The following ZMAT4 variants were observed in gnomAD, a reference collection of about 807,000 sequenced individuals.
The protein encoded by ZMAT4 is zinc finger matrin-type 4, also known as zinc finger matrin-type protein 4.
Under a neutral mutation model 28.7 loss-of-function variants are expected in ZMAT4, and 17 were observed. The ratio of observed to expected loss-of-function variants is 0.59; its 90% CI spans 0.41 to 0.89. The LOEUF is 0.89. Among genes scored for constraint, ZMAT4 ranks in the 40% least tolerant of loss-of-function variants. The pLI is 0.00. For missense variants in ZMAT4, 240 were observed against 283.8 expected, an observed-to-expected ratio of 0.85 and a Z score of 1.11; for synonymous variants, 117 against 109.2, an observed-to-expected ratio of 1.07 and a Z score of -0.44.
chr8:40,805,024 G>C (rs1815019082), intron 2 of ZMAT4, among the ~76,000 whole-genome samples: 1 of 149,708 alleles, frequency 6.7e-6, no homozygotes, highest in South Asian at 2.1e-4. Context: ...CTACAAAATG[G>C]GAGAAAATTT....
chr8:40,625,847 C>A (rs931390770), intron 5 of ZMAT4, among the ~76,000 whole-genome samples: 1 of 151,596 alleles, frequency 6.6e-6, no homozygotes, highest in African/African-American at 2.4e-5. Context: ...GCGGTGGAAT[C>A]ATGCCTGTAA....
chr8:40,587,008 G>A (rs1804691030), intron 5 of ZMAT4, among the ~76,000 whole-genome samples: 1 of 151,670 alleles, frequency 6.6e-6, no homozygotes, highest in South Asian at 2.1e-4. Flanking sequence ...ATTAGCCTGA[G>A]ACGTGAAGAG....
intron 1 of ZMAT4, among the ~76,000 whole-genome samples, chr8:40,867,262 A>C: frequency 1.3e-5 from 2 of 152,258 alleles, no homozygotes; most frequent in South Asian, 4.2e-4. Flanking sequence ...TAAAAGAAAT[A>C]TATATATATC....
intron 1 of ZMAT4, among the ~76,000 whole-genome samples, chr8:40,869,362 T>C (rs527421117): frequency 1.3e-5 from 2 of 152,266 alleles, no homozygotes; most frequent in East Asian, 1.9e-4. Context: ...CTAAGGGGAT[T>C]TTTGTTTTGT....
At chr8:40,742,537 T>C (rs908978008) in intron 3 of ZMAT4, among the ~76,000 whole-genome samples, 7 of 152,040 alleles carry the variant, frequency 4.6e-5, no homozygotes, top group African/African-American at 1.7e-4. Context: ...AAAACAATAA[T>C]TGGGGGCCAG....
chr8:40,872,797 G>T (rs1484786766), intron 1 of ZMAT4, among the ~76,000 whole-genome samples: 1 of 152,126 alleles, frequency 6.6e-6, no homozygotes, highest in South Asian at 2.1e-4. Context: ...GGGTGGAGGG[G>T]CCCAAAGGAG....
chr8:40,746,462 C>T (rs1022276519), intron 3 of ZMAT4, among the ~76,000 whole-genome samples: 9 of 151,242 alleles, frequency 6.0e-5, no homozygotes, highest in Non-Finnish European at 1.3e-4. Flanking sequence ...CTCCTGGGTT[C>T]AAGCAATTCT....
rs11373573 is a variant in ZMAT4, at chr8:40,618,659, G to GAA, written c.578-37400_578-37399dup. On this transcript the variant is annotated intron_variant, in intron 5 of 6. Coordinates refer to ENST00000297737, the MANE Select transcript of ZMAT4 (RefSeq NM_024645.3). ...GTATACTACAGTTTTTCTACCACTAGAAAAAAAAAAAAAAGAAATGACTGG... is the reference window on the plus strand; with the variant it reads ...GTATACTACAGTTTTTCTACCACTAGAAAAAAAAAAAAAAAAGAAATGACTGG... Among the ~76,000 whole-genome samples, 491 of 139,314 alleles carry GAA rather than the reference G, an allele frequency of 3.5e-3. 2 individuals carry two copies. Among genetic ancestry groups the GAA allele is most frequent in the Non-Finnish European group, 5.8e-3 (379 of 65,002 alleles). 91.4% of individuals were successfully genotyped at this position (139,314 alleles called of 152,430 possible). A position where few individuals can be genotyped will look rare whatever the true frequency, so the allele number is the denominator to read the frequency against.
intron 5 of ZMAT4, among the ~76,000 whole-genome samples, chr8:40,605,709 G>C (rs1432815520): frequency 6.6e-6 from 1 of 152,140 alleles, no homozygotes; most frequent in African/African-American, 2.4e-5. Flanking sequence ...TAAATCCACT[G>C]TTTCTTTGTT....
rs1803283912 is a variant in ZMAT4 at position 40,548,933 on chromosome 8, CA to C, written c.675-16696del. Among the ~76,000 whole-genome samples the C allele has an allele frequency of 3.3e-5, 5 of 152,208 alleles. No homozygotes were observed. In the South Asian group the frequency reaches 1.0e-3, roughly 32 times the overall value. On this transcript the variant is annotated intron_variant, in intron 6 of 6. Coordinates refer to ENST00000297737, the MANE Select transcript of ZMAT4 (RefSeq NM_024645.3). The stretch of plus-strand genomic sequence containing the variant: ...CAAGATTCAAGAGAAGCAAGCTAAC[CA>C]ATACCATTTGCTATGGTCTAAATGT...
chr8:40,551,648 C>T (rs1803372586), intron 6 of ZMAT4, among the ~76,000 whole-genome samples: 2 of 152,162 alleles, frequency 1.3e-5, no homozygotes, highest in African/African-American at 4.8e-5. Context: ...TTACTTTAAG[C>T]ATTGTTACAA....
intron 2 of ZMAT4, among the ~76,000 whole-genome samples, chr8:40,820,158 ATGTGTGTG>A (rs138729547): frequency 4.8e-5 from 7 of 147,248 alleles, no homozygotes; most frequent in African/African-American, 7.5e-5. Context: ...ATATGCGAAT[ATGTGTGTG>A]TGTGTGTGTG....
intron 4 of ZMAT4, among the ~76,000 whole-genome samples, chr8:40,678,924 A>G (rs1158470086): frequency 2.0e-5 from 3 of 152,202 alleles, no homozygotes; most frequent in Non-Finnish European, 4.4e-5. Flanking sequence ...CTGCTGTCCT[A>G]TCTCCATATA....
At chr8:40,801,351 A>AAAAAATATATATATATAT (rs370796453) in intron 2 of ZMAT4, among the ~76,000 whole-genome samples, 12 of 97,258 alleles carry the variant, frequency 1.2e-4, no homozygotes, top group African/African-American at 4.1e-4. Context: ...TAAAAAAAAA[A>AAAAAATATATATATATAT]ATATATATAT....
At chr8:40,771,384 G>T (rs530208598) in intron 2 of ZMAT4, among the ~76,000 whole-genome samples, 45 of 151,688 alleles carry the variant, frequency 3.0e-4, no homozygotes, top group African/African-American at 9.9e-4. Flanking sequence ...AGTATGACTG[G>T]TTTTTATTTT....
At chr8:40,846,431 T>C (rs1816902411) in intron 1 of ZMAT4, among the ~76,000 whole-genome samples, 1 of 152,254 alleles carries the variant, frequency 6.6e-6, no homozygotes, top group Admixed American at 6.5e-5. Context: ...GAGGGTGTCC[T>C]GGGCAAGGCT....
At chr8:40,728,555 C>A (rs1324800836) in intron 3 of ZMAT4, among the ~76,000 whole-genome samples, 1 of 152,162 alleles carries the variant, frequency 6.6e-6, no homozygotes, top group African/African-American at 2.4e-5. Context: ...TAACTAAACA[C>A]CAGAAGCACA....
At chr8:40,699,207 T>A (rs1484033466) in intron 3 of ZMAT4, among the ~76,000 whole-genome samples, 1 of 152,050 alleles carries the variant, frequency 6.6e-6, no homozygotes, top group Non-Finnish European at 1.5e-5. Flanking sequence ...AGGGAGTTCC[T>A]GAAGGGTTCC....
At chr8:40,604,294 T>C (rs957309108) in intron 5 of ZMAT4, among the ~76,000 whole-genome samples, 2 of 152,190 alleles carry the variant, frequency 1.3e-5, no homozygotes, top group African/African-American at 4.8e-5. Context: ...CCTTGTCTTG[T>C]TCCAGTTCCC....
Sources: gnomAD v4.1 joint callset for allele counts (sites outside exome capture counted in the v4.1 genomes callset) on GRCh38, gnomAD v4.1.1 for gene constraint, MANE v1.5 for transcripts, NCBI Gene and HGNC (gene_info 2026-07-23, HGNC 2026-07-21) for gene names.